The following ZNF337 variants were observed in gnomAD, a reference collection of about 807,000 sequenced individuals.
The protein encoded by ZNF337 is zinc finger protein 337.
In ZNF337, 8 loss-of-function variants were observed where a neutral mutation model predicts 12.1. That is an observed-to-expected ratio of 0.66 (90% CI 0.39 to 1.19). The LOEUF (loss-of-function observed/expected upper bound fraction) is 1.19. Among genes scored for constraint, ZNF337 ranks in the 50% most tolerant of loss-of-function variants. The pLI is 0.01. For synonymous variants in ZNF337, 336 were observed against 320.0 expected (o/e 1.05, Z -0.53); for missense variants, 882 against 896.6 (o/e 0.98, Z 0.21).
intron 1 of ZNF337, among the ~76,000 whole-genome samples, chr20:25,695,664 C>A (rs2065916653): frequency 1.3e-5 from 2 of 152,188 alleles, no homozygotes; most frequent in Admixed American, 1.3e-4. Context: ...GACTGGGCCT[C>A]CCAAGTAGCT....
intron 1 of ZNF337, among the ~76,000 whole-genome samples, chr20:25,696,375 C>G (rs1033403540): frequency 4.6e-5 from 7 of 152,188 alleles, no homozygotes; most frequent in African/African-American, 7.2e-5. Context: ...CCCCCTCCAC[C>G]TCCGGCCAAA....
At chr20:25,680,558 A>G (rs979277810) in intron 4 of ZNF337, among the ~76,000 whole-genome samples, 1 of 152,198 alleles carries the variant, frequency 6.6e-6, no homozygotes, top group Non-Finnish European at 1.5e-5. Context: ...AGAAATAGCA[A>G]ACTGATAGAA....
intron 1 of ZNF337, among the ~76,000 whole-genome samples, chr20:25,694,757 A>G (rs974423372): frequency 1.9e-4 from 29 of 152,162 alleles, no homozygotes; most frequent in African/African-American, 6.5e-4. Context: ...TCACTTTCCA[A>G]CCTGACTCTG....
At chr20:25,685,120 T>TAAAA (rs553976436) in intron 4 of ZNF337, among the ~76,000 whole-genome samples, 2 of 137,690 alleles carry the variant, frequency 1.5e-5, no homozygotes, top group African/African-American at 5.2e-5. Flanking sequence ...GAACTTAAAT[T>TAAAA]AAAAAAAAAA....
chr20:25,693,644 T>C (rs776100467), intron 1 of ZNF337, among the ~76,000 whole-genome samples: 9 of 152,218 alleles, frequency 5.9e-5, no homozygotes, highest in Non-Finnish European at 1.3e-4. Flanking sequence ...GCATCAGATC[T>C]GGGGAACGTT....
intron 4 of ZNF337, among the ~76,000 whole-genome samples, chr20:25,680,108 T>C (rs1466950668): frequency 6.6e-6 from 1 of 152,110 alleles, no homozygotes; most frequent in Non-Finnish European, 1.5e-5. Context: ...TTGCATATTG[T>C]CACTCATATG....
intron 2 of ZNF337, 132 bp downstream of exon 2, chr20:25,686,259 G>A (rs940252539): frequency 1.3e-5 from 20 of 1,491,182 alleles, no homozygotes; most frequent in South Asian, 4.7e-5. Context: ...GCTGGAGGAC[G>A]CCAGGAAAGA....
In ZNF337 at chr20:25,682,199, T is replaced by G. The variant is rs1323834257; in HGVS notation, c.250+3368A>C. The stretch of plus-strand genomic sequence containing the variant: ...AAATCTTAGGAACTAATATTAATAT[T>G]AAACGAAATAGATTATAATACAGTA... On this transcript the variant is annotated intron_variant, in intron 4 of 4. Transcript: ENST00000252979. Among the ~76,000 whole-genome samples the G allele has an allele frequency of 1.6e-4, 25 of 152,270 alleles. 1 individual carries two copies. The East Asian group carries it at 4.8e-3, about 29-fold the overall frequency.
Position 25,676,063 on chromosome 20 carries a change from A to T in ZNF337, c.1225T>A (p.Cys409Ser). ...GACTTTTGGCTAAAGCTTCGCTCACAATCCTTGCACACAAAAGGCTTCTCC... is the reference window on the plus strand; with the variant it reads ...GACTTTTGGCTAAAGCTTCGCTCACTATCCTTGCACACAAAAGGCTTCTCC... ...SGEKPFVCKD[C>S]ERSFSQKSTL... The change falls in exon 5 of 5, where the codon TGT becomes AGT. Residue 409 changes from cysteine (C) to serine (S), a missense_variant. By Grantham distance (112) the Cys-to-Ser change is moderately radical (BLOSUM62 -1). Coordinates refer to ENST00000252979, the MANE Select transcript of ZNF337 (RefSeq NM_015655.4). 6 of 1,614,160 alleles carry T rather than the reference A, an allele frequency of 3.7e-6. No homozygotes were observed. Among genetic ancestry groups the T allele is most frequent in the Non-Finnish European group, 5.1e-6 (6 of 1,180,032 alleles).
Position 25,675,078 on chromosome 20 carries a change from CGTAA to C in ZNF337, c.2206_2209del (p.Leu736ValfsTer38), listed in dbSNP as rs762274922. 9.0e-5 allele frequency: 146 copies of C among 1,613,484 alleles called. No homozygotes were observed. Among genetic ancestry groups the C allele is most frequent in the East Asian group, 2.0e-4 (9 of 44,806 alleles). ...ACTCCCTGTACAAAAACGCTTCTCA[CGTAA>C]GTGTCTCTTTAAGTGCTTACTGTAG... On this transcript the variant is annotated frameshift_variant, in exon 5 of 5. Coordinates refer to ENST00000252979, the MANE Select transcript of ZNF337 (RefSeq NM_015655.4). LOFTEE classifies it low-confidence loss of function (END_TRUNC).
At chr20:25,689,591 G>A (rs2065867600) in intron 1 of ZNF337, among the ~76,000 whole-genome samples, 1 of 152,186 alleles carries the variant, frequency 6.6e-6, no homozygotes, top group Non-Finnish European at 1.5e-5. Context: ...GTTAAAAGCA[G>A]TGCTTCTTAC....
In ZNF337 at chr20:25,676,006, C is replaced by T. The variant is rs773291617; in HGVS notation, c.1282G>A (p.Gly428Arg). Residue 428 changes from glycine (G) to arginine (R), a missense_variant, in exon 5 of 5, where the codon GGG becomes AGG. Coordinates refer to ENST00000252979, the MANE Select transcript of ZNF337 (RefSeq NM_015655.4). ...TLVYHQRTHSGEKPFVCRECG... is the reference protein window; with the variant it reads ...TLVYHQRTHSREKPFVCRECG... ...TCTCTACAAACAAAAGGTTTCTCCC[C>T]TGAGTGTGTTCTCTGGTGGTAGACA... is the stretch of plus-strand genomic sequence containing the variant. 3.1e-6 allele frequency: 5 copies of T among 1,613,674 alleles called. No individual in the cohort carries two copies. The South Asian group carries it at 5.5e-5, about 18-fold the overall frequency.
At chr20:25,689,696 A>G (rs1184609366) in intron 1 of ZNF337, among the ~76,000 whole-genome samples, 1 of 152,208 alleles carries the variant, frequency 6.6e-6, no homozygotes, top group East Asian at 1.9e-4. Flanking sequence ...TGTTTGAAAT[A>G]CTTTGGCACA....
intron 1 of ZNF337, among the ~76,000 whole-genome samples, chr20:25,694,995 G>A (rs188237775): frequency 4.6e-5 from 7 of 152,298 alleles, no homozygotes; most frequent in Admixed American, 3.9e-4. Context: ...CCAGCCTGAC[G>A]CGCGGTGGCT....
At chr20:25,693,730 A>C (rs1281182510) in intron 1 of ZNF337, among the ~76,000 whole-genome samples, 1 of 152,204 alleles carries the variant, frequency 6.6e-6, no homozygotes, top group Non-Finnish European at 1.5e-5. Flanking sequence ...ACATTAGCAA[A>C]GGAAACCCAC....
Position 25,686,075 on chromosome 20 carries a change from T to C in ZNF337, c.75A>G (p.Glu25=), listed in dbSNP as rs1450330108. The C allele has an allele frequency of 1.2e-6, 2 of 1,613,944 alleles. No individual in the cohort carries two copies. Among genetic ancestry groups the C allele is most frequent in the Non-Finnish European group, 1.7e-6 (2 of 1,180,002 alleles). The change falls in exon 3 of 5, where the codon GAA becomes GAG. Residue 25 remains glutamate, a synonymous_variant. Coordinates refer to ENST00000252979, the MANE Select transcript of ZNF337 (RefSeq NM_015655.4). The part of the protein sequence containing the change: ...GDVTVDFTQK[E]WRLLSPAQRA... ...TCTGAGCAGGGCTCAGCAGCCTCCA[T>C]TCCTTCTGGGTGAAATCCACAGTGA...
At chr20:25,691,214 G>A (rs922794470) in intron 1 of ZNF337, among the ~76,000 whole-genome samples, 2 of 152,080 alleles carry the variant, frequency 1.3e-5, no homozygotes, top group Non-Finnish European at 1.5e-5. Flanking sequence ...CAGATGAGCA[G>A]GCAGAAGAAA....
chr20:25,695,691 G>A (rs2065917172), intron 1 of ZNF337, among the ~76,000 whole-genome samples: 1 of 152,248 alleles, frequency 6.6e-6, no homozygotes, highest in Admixed American at 6.5e-5. Flanking sequence ...ACAGGCATGG[G>A]ACACCACGCC....
At chr20:25,693,848 G>A (rs1170676463) in intron 1 of ZNF337, among the ~76,000 whole-genome samples, 2 of 152,206 alleles carry the variant, frequency 1.3e-5, no homozygotes, top group Non-Finnish European at 2.9e-5. Flanking sequence ...CACGGGTAAC[G>A]TGGGAGTGGA....
Sources: gnomAD v4.1 joint callset for allele counts (sites outside exome capture counted in the v4.1 genomes callset) on GRCh38, gnomAD v4.1.1 for gene constraint, MANE v1.5 for transcripts, NCBI Gene and HGNC (gene_info 2026-07-23, HGNC 2026-07-21) for gene names.